The following CPED1 variants were observed in gnomAD, a reference collection of about 807,000 sequenced individuals.
The protein encoded by CPED1 is cadherin-like and PC-esterase domain-containing protein 1.
A neutral mutation model predicts 128.2 loss-of-function variants in CPED1; 114 were observed. The ratio of observed to expected loss-of-function variants is 0.89; its 90% confidence interval spans 0.76 to 1.04. The LOEUF (loss-of-function observed/expected upper bound fraction) is 1.04. CPED1 is among the 50% of genes least tolerant of loss of function. CPED1 has a pLI of 0.00. For missense variants in CPED1, 1,211 were observed against 1,207.1 expected (o/e 1.00, Z -0.05); for synonymous variants, 462 against 426.7 (o/e 1.08, Z -1.02).
chr7:121,178,096 T>G (rs1308578804), intron 16 of CPED1, among the ~76,000 whole-genome samples: 1 of 152,066 alleles, frequency 6.6e-6, no homozygotes, highest in African/African-American at 2.4e-5. Flanking sequence ...ACAAAGAGAT[T>G]GAGGACCTAG....
chr7:121,097,233 G>A (rs1794721710), intron 5 of CPED1, among the ~76,000 whole-genome samples: 1 of 152,084 alleles, frequency 6.6e-6, no homozygotes, highest in Non-Finnish European at 1.5e-5. Flanking sequence ...ATAAAGCCCT[G>A]TTGTTGAGAT....
intron 7 of CPED1, among the ~76,000 whole-genome samples, chr7:121,120,546 A>G (rs1795358709): frequency 2.0e-5 from 3 of 152,190 alleles, no homozygotes; most frequent in Non-Finnish European, 2.9e-5. Flanking sequence ...AAACCCTGGT[A>G]TACTTTAGTA....
chr7:121,144,449 G>A (rs1312900884), intron 16 of CPED1, among the ~76,000 whole-genome samples: 1 of 152,044 alleles, frequency 6.6e-6, no homozygotes, highest in Non-Finnish European at 1.5e-5. Context: ...AATATCACAT[G>A]TTCTCAGTCA....
At chr7:121,000,869 T>G (rs544893722) in intron 2 of CPED1, among the ~76,000 whole-genome samples, 1 of 152,270 alleles carries the variant, frequency 6.6e-6, no homozygotes, top group South Asian at 2.1e-4. Flanking sequence ...AAATCCTCAG[T>G]TCTCTTGTTG....
At chr7:121,029,765 C>T (rs953126184) in intron 3 of CPED1, among the ~76,000 whole-genome samples, 9 of 152,042 alleles carry the variant, frequency 5.9e-5, no homozygotes, top group Non-Finnish European at 1.3e-4. Flanking sequence ...TCTTGTCTTA[C>T]GGAAAGAAAT....
chr7:121,261,582 C>A, intron 18 of CPED1: 1 of 1,582,822 alleles, frequency 6.3e-7, no homozygotes, highest in Non-Finnish European at 8.6e-7. Flanking sequence ...TGACCAGCTT[C>A]CAGCGCTGGC....
At chr7:121,069,107 A>G (rs1256071966) in intron 5 of CPED1, among the ~76,000 whole-genome samples, 1 of 152,136 alleles carries the variant, frequency 6.6e-6, no homozygotes, top group African/African-American at 2.4e-5. Flanking sequence ...GCTTTCCACT[A>G]TATAAATATC....
Position 121,266,815 on chromosome 7 carries a change from G to A in CPED1, c.2633+7G>A. The A allele has an allele frequency of 6.3e-7, 1 of 1,589,542 alleles. No individual in the cohort carries two copies. The highest frequency in any genetic ancestry group is 8.6e-7 in the Non-Finnish European group (1 of 1,158,094). Reference sequence around the variant, plus strand: ...TTCACAAAGTTTTGAAGAGGTAAATGTCTGCAACAATAATTGTCATTAGTA... The same window carrying A: ...TTCACAAAGTTTTGAAGAGGTAAATATCTGCAACAATAATTGTCATTAGTA... On this transcript the variant is annotated splice_region_variant and intron_variant, in intron 20 of 22. Transcript: ENST00000310396.
intron 2 of CPED1, among the ~76,000 whole-genome samples, chr7:120,999,302 A>G (rs1256787714): frequency 6.6e-6 from 1 of 152,094 alleles, no homozygotes; most frequent in Non-Finnish European, 1.5e-5. Context: ...AAGTTGATTA[A>G]TTATCTTTGA....
At chr7:121,021,130 A>G (rs1332204726) in intron 3 of CPED1, among the ~76,000 whole-genome samples, 1 of 151,962 alleles carries the variant, frequency 6.6e-6, no homozygotes, top group African/African-American at 2.4e-5. Context: ...ATGCTGCTTC[A>G]CAGCTTTTCA....
intron 17 of CPED1, among the ~76,000 whole-genome samples, chr7:121,240,305 G>C (rs1182387849): frequency 6.6e-6 from 1 of 152,136 alleles, no homozygotes; most frequent in Non-Finnish European, 1.5e-5. Context: ...TTAGCTGTCA[G>C]CAAGGTTGAG....
chr7:121,113,454 T>C (rs1795161741), intron 7 of CPED1, among the ~76,000 whole-genome samples: 2 of 152,332 alleles, frequency 1.3e-5, no homozygotes, highest in African/African-American at 4.8e-5. Flanking sequence ...ATGGATGGTA[T>C]TTTAGCTGGG....
intron 22 of CPED1, among the ~76,000 whole-genome samples, chr7:121,281,018 C>T (rs1792450460): frequency 1.3e-5 from 2 of 152,170 alleles, no homozygotes; most frequent in African/African-American, 4.8e-5. Flanking sequence ...CATGATGAAA[C>T]ATATTTGTAA....
chr7:121,011,621 G>A (rs571297124), intron 2 of CPED1, among the ~76,000 whole-genome samples: 1 of 152,094 alleles, frequency 6.6e-6, no homozygotes, highest in Non-Finnish European at 1.5e-5. Flanking sequence ...GAACAAAATG[G>A]TCAAAAACAT....
chr7:121,171,932 C>G (rs1796655689), intron 16 of CPED1, among the ~76,000 whole-genome samples: 1 of 152,160 alleles, frequency 6.6e-6, no homozygotes. Context: ...AATCTGGAAC[C>G]AGAAAGTCTT....
chr7:121,024,132 T>A (rs1792508677), intron 3 of CPED1, among the ~76,000 whole-genome samples: 1 of 152,168 alleles, frequency 6.6e-6, no homozygotes, highest in East Asian at 1.9e-4. Context: ...GCTTATAGAT[T>A]TACTGATGTA....
In CPED1 at chr7:121,202,662, G is replaced by A. The variant is rs557679017; in HGVS notation, c.2056-34052G>A. ...AAGATTGGGAGTCACTAGACTGATGGAAACTTGAGGACAGAGAGTATCCTG... is the reference window on the plus strand; with the variant it reads ...AAGATTGGGAGTCACTAGACTGATGAAAACTTGAGGACAGAGAGTATCCTG... On this transcript the variant is annotated intron_variant, in intron 16 of 22. Transcript: ENST00000310396. Among the ~76,000 whole-genome samples the A allele has an allele frequency of 2.0e-5, 3 of 152,212 alleles. No homozygotes were observed. In the East Asian group the frequency reaches 5.8e-4, roughly 30 times the overall value.
chr7:121,120,348 G>A (rs1795353991), intron 7 of CPED1, among the ~76,000 whole-genome samples: 1 of 152,136 alleles, frequency 6.6e-6, no homozygotes, highest in Admixed American at 6.5e-5. Flanking sequence ...ATCCTAATGG[G>A]TGTGAAGTAA....
chr7:121,172,590 G>T (rs1796672368), intron 16 of CPED1, among the ~76,000 whole-genome samples: 1 of 151,978 alleles, frequency 6.6e-6, no homozygotes, highest in South Asian at 2.1e-4. Flanking sequence ...ACATAAGGAA[G>T]ACCTGACATA....
Sources: gnomAD v4.1 joint callset for allele counts (sites outside exome capture counted in the v4.1 genomes callset) on GRCh38, gnomAD v4.1.1 for gene constraint, MANE v1.5 for transcripts, NCBI Gene and HGNC (gene_info 2026-07-23, HGNC 2026-07-21) for gene names.